ADAMTS3: variants seen among roughly 807,000 people sequenced by gnomAD.
ADAMTS3 encodes A disintegrin and metalloproteinase with thrombospondin motifs 3.
In ADAMTS3, 73 loss-of-function variants were observed where a neutral mutation model predicts 129.0. That is an observed-to-expected ratio of 0.57 (90% confidence interval 0.47 to 0.69). ADAMTS3 has a LOEUF of 0.69. Ranked by LOEUF, ADAMTS3 falls within the 30% of genes least tolerant of loss-of-function variation. The probability of loss-of-function intolerance (pLI) is 0.00; values close to 1 mark genes in which losing one functional copy is unlikely to be tolerated. For synonymous variants in ADAMTS3, 477 were observed against 510.8 expected (o/e 0.93, Z 0.89); for missense variants, 1,457 against 1,514.5 (o/e 0.96, Z 0.63).
chr4:72,365,411 T>A (rs910090349), intron 4 of ADAMTS3, among the ~76,000 whole-genome samples: 2 of 152,222 alleles, frequency 1.3e-5, no homozygotes, highest in South Asian at 2.1e-4. Flanking sequence ...TCTTCATGCA[T>A]ATCTTTATTA....
At chr4:72,506,317 T>C (rs1170137573) in intron 3 of ADAMTS3, among the ~76,000 whole-genome samples, 2 of 152,150 alleles carry the variant, frequency 1.3e-5, no homozygotes, top group African/African-American at 4.8e-5. Flanking sequence ...CACCCAGCAA[T>C]GGCACATGCA....
intron 3 of ADAMTS3, among the ~76,000 whole-genome samples, chr4:72,508,738 T>C (rs1345428200): frequency 6.6e-6 from 1 of 151,580 alleles, no homozygotes; most frequent in Non-Finnish European, 1.5e-5. Context: ...ATAATTTTTT[T>C]ACCAAGTTAA....
intron 3 of ADAMTS3, among the ~76,000 whole-genome samples, chr4:72,441,319 C>A (rs569304037): frequency 2.6e-5 from 4 of 151,642 alleles, no homozygotes; most frequent in African/African-American, 9.7e-5. Flanking sequence ...AACATTTGTA[C>A]ATCTTCTTTT....
intron 4 of ADAMTS3, among the ~76,000 whole-genome samples, chr4:72,386,813 C>A (rs1442582574): frequency 1.3e-5 from 2 of 152,096 alleles, no homozygotes; most frequent in Admixed American, 1.3e-4. Context: ...CAAAGATAAT[C>A]AAGGCTTTAA....
intron 3 of ADAMTS3, among the ~76,000 whole-genome samples, chr4:72,538,528 C>CA (rs1721238613): frequency 6.6e-6 from 1 of 151,710 alleles, no homozygotes; most frequent in Non-Finnish European, 1.5e-5. Context: ...CAAGGTATGG[C>CA]AAAAAATCCC....
chr4:72,363,558 A>G (rs944171814), intron 4 of ADAMTS3, among the ~76,000 whole-genome samples: 4 of 152,164 alleles, frequency 2.6e-5, no homozygotes, highest in Non-Finnish European at 5.9e-5. Context: ...TGTAAAAATA[A>G]ATCTATAAGC....
At chr4:72,409,984 T>TCATC (rs1722147476) in intron 4 of ADAMTS3, among the ~76,000 whole-genome samples, 1 of 77,674 alleles carries the variant, frequency 1.3e-5, no homozygotes, top group East Asian at 3.0e-4. Context: ...GATTGCTACT[T>TCATC]GATCTTAGTA....
intron 3 of ADAMTS3, among the ~76,000 whole-genome samples, chr4:72,529,861 T>A (rs1421272831): frequency 2.5e-5 from 2 of 79,802 alleles, no homozygotes; most frequent in African/African-American, 1.0e-4. Context: ...TAATATATAA[T>A]ATATAATATA....
chr4:72,510,877 C>T (rs947372280), intron 3 of ADAMTS3, among the ~76,000 whole-genome samples: 1 of 130,792 alleles, frequency 7.6e-6, no homozygotes, highest in Admixed American at 7.9e-5. Flanking sequence ...CTTCAAATTA[C>T]ACTACAGAGC....
chr4:72,379,311 G>C (rs972490731), intron 4 of ADAMTS3, among the ~76,000 whole-genome samples: 1 of 151,866 alleles, frequency 6.6e-6, no homozygotes, highest in Non-Finnish European at 1.5e-5. Flanking sequence ...CTCTTCCCCC[G>C]AGGCCACAGG....
intron 3 of ADAMTS3, among the ~76,000 whole-genome samples, chr4:72,455,777 T>C (rs1208395879): frequency 7.1e-6 from 1 of 140,566 alleles, no homozygotes; most frequent in East Asian, 2.1e-4. Context: ...TTCACCATTG[T>C]AACTACTTAT....
chr4:72,440,769 A>T (rs772628805), intron 3 of ADAMTS3, among the ~76,000 whole-genome samples: 28 of 151,770 alleles, frequency 1.8e-4, no homozygotes, highest in Non-Finnish European at 3.8e-4. Flanking sequence ...CCCTGCATGA[A>T]TTTTGTCCAT....
At position 72,548,757 on chromosome 4, in the gene ADAMTS3, G is replaced by C; in HGVS notation, c.225C>G (p.Ser75=). Reference sequence around the variant, plus strand: ...TGTTAAAGAACAACTGCTCAGGGTTGGAAGACACGTCCCTCGCTGACCTCT... The same window carrying C: ...TGTTAAAGAACAACTGCTCAGGGTTCGAAGACACGTCCCTCGCTGACCTCT... ...HKKRSARDVS[S]NPEQLFFNIT... The change falls in exon 3 of 22, where the codon TCC becomes TCG. Residue 75 remains serine, a synonymous_variant. Transcript: ENST00000286657. 1 of 1,613,962 alleles carries C rather than the reference G, an allele frequency of 6.2e-7. No homozygotes were observed.
rs558324200 is a variant in ADAMTS3, at chr4:72,436,391, C to T, written c.505-21420G>A. On this transcript the variant is annotated intron_variant, in intron 3 of 21. Transcript: ENST00000286657. ...GAGAGGATGTGGAGAAATAGGAACACTTTTACACTGTTGGTGGGACTGTAA... is the reference window on the plus strand; with the variant it reads ...GAGAGGATGTGGAGAAATAGGAACATTTTTACACTGTTGGTGGGACTGTAA... 2.4e-3 allele frequency among the ~76,000 whole-genome samples: 372 copies of T among 152,208 alleles called. 2 individuals carry two copies. The highest frequency in any genetic ancestry group is 8.6e-3 in the African/African-American group (358 of 41,560).
At chr4:72,456,702 A>G (rs1718630253) in intron 3 of ADAMTS3, among the ~76,000 whole-genome samples, 1 of 151,408 alleles carries the variant, frequency 6.6e-6, no homozygotes, top group South Asian at 2.1e-4. Context: ...CTTTCCCCTA[A>G]GCTAACATTT....
At chr4:72,312,487 A>T (rs749287024) in intron 12 of ADAMTS3, 21 bp from the exon 13 acceptor site, 10 of 1,609,558 alleles carry the variant, frequency 6.2e-6, no homozygotes, top group African/African-American at 1.3e-5. Flanking sequence ...GACAACATTT[A>T]AAAAGGCCTT....
At chr4:72,293,186 C>T (rs1307697287) in intron 19 of ADAMTS3, among the ~76,000 whole-genome samples, 1 of 152,108 alleles carries the variant, frequency 6.6e-6, no homozygotes, top group African/African-American at 2.4e-5. Flanking sequence ...CACTGTAGAA[C>T]TTTAGAAATA....
At chr4:72,311,247 T>C in intron 13 of ADAMTS3, 66 bp from the exon 14 acceptor site, 1 of 1,367,392 alleles carries the variant, frequency 7.3e-7, no homozygotes, top group Non-Finnish European at 9.9e-7. Context: ...GCATAGTTTA[T>C]TTTATTTTTA....
chr4:72,296,467 T>C (rs1395448937), intron 18 of ADAMTS3, among the ~76,000 whole-genome samples: 1 of 152,066 alleles, frequency 6.6e-6, no homozygotes, highest in Non-Finnish European at 1.5e-5. Flanking sequence ...TAATTATGTA[T>C]ATAAATTTGA....
Sources: allele counts gnomAD v4.1 joint callset (sites outside exome capture counted in the v4.1 genomes callset), GRCh38; gene constraint gnomAD v4.1.1; transcripts MANE v1.5; gene names NCBI Gene and HGNC (gene_info 2026-07-23, HGNC 2026-07-21).